LRP1B: variants seen among roughly 807,000 people sequenced by gnomAD.
LRP1B encodes the protein LDL receptor related protein 1B.
A neutral mutation model predicts 556.6 loss-of-function variants in LRP1B; 217 were observed. The ratio of observed to expected loss-of-function variants is 0.39; its 90% CI spans 0.35 to 0.44. The LOEUF (loss-of-function observed/expected upper bound fraction) is 0.44, where lower values mean the gene tolerates loss of function less well. Among genes scored for constraint, LRP1B ranks in the 20% least tolerant of loss-of-function variants. The probability of loss-of-function intolerance (pLI) is 1.00; values close to 1 mark genes in which losing one functional copy is unlikely to be tolerated. For synonymous variants in LRP1B, 2,047 were observed against 1,865.8 expected, an observed-to-expected ratio of 1.10 and a Z score of -2.50; for missense variants, 5,053 against 5,620.8, an observed-to-expected ratio of 0.90 and a Z score of 3.23.
chr2:142,085,773 C>T (rs1267213449), intron 1 of LRP1B, among the ~76,000 whole-genome samples: 2 of 152,110 alleles, frequency 1.3e-5, no homozygotes, highest in Non-Finnish European at 2.9e-5. Flanking sequence ...ATCTTCAATC[C>T]CCCAAGTTGT....
intron 3 of LRP1B, among the ~76,000 whole-genome samples, chr2:141,475,952 C>T (rs1354394115): frequency 6.6e-6 from 1 of 152,202 alleles, no homozygotes; most frequent in Admixed American, 6.5e-5. Flanking sequence ...CAGACAAGAA[C>T]CTGGGTACTA....
In LRP1B at chr2:141,621,870, ATCTC is replaced by A. The variant is rs771406372; in HGVS notation, c.206-141341_206-141338del. Among the ~76,000 whole-genome samples, 674 of 152,096 alleles carry A rather than the reference ATCTC, an allele frequency of 4.4e-3. 10 individuals carry two copies. Among genetic ancestry groups the A allele is most frequent in the Non-Finnish European group, 6.6e-3 (447 of 67,968 alleles). ...TATAGATGAAATATTATTCATTACTATCTCTCTTTTTTGTTTGTTTGTTTGTTTC... is the reference window on the plus strand; with the variant it reads ...TATAGATGAAATATTATTCATTACTATCTTTTTTGTTTGTTTGTTTGTTTC... On this transcript the variant is annotated intron_variant, in intron 2 of 90. Coordinates refer to ENST00000389484, the MANE Select transcript of LRP1B (RefSeq NM_018557.3).
At chr2:141,076,612 T>C (rs906996730) in intron 7 of LRP1B, among the ~76,000 whole-genome samples, 2 of 152,150 alleles carry the variant, frequency 1.3e-5, no homozygotes, top group Non-Finnish European at 2.9e-5. Context: ...TCTTAACAAA[T>C]AAGAAACAGC....
At chr2:141,348,975 T>C (rs1209002768) in intron 3 of LRP1B, among the ~76,000 whole-genome samples, 2 of 151,950 alleles carry the variant, frequency 1.3e-5, no homozygotes, top group African/African-American at 4.8e-5. Flanking sequence ...TGTTTCTCCT[T>C]GCCTTCCACC....
chr2:141,187,438 A>G (rs1366787047), intron 7 of LRP1B, among the ~76,000 whole-genome samples: 1 of 152,014 alleles, frequency 6.6e-6, no homozygotes, highest in Non-Finnish European at 1.5e-5. Context: ...GATATGTTCC[A>G]TCAGACATTT....
chr2:141,943,842 G>T (rs890103396), intron 1 of LRP1B, among the ~76,000 whole-genome samples: 3 of 152,156 alleles, frequency 2.0e-5, no homozygotes, highest in African/African-American at 7.2e-5. Context: ...ACACGACCAG[G>T]AAAGATTAGG....
intron 3 of LRP1B, among the ~76,000 whole-genome samples, chr2:141,414,185 G>T (rs7587380): frequency 0.63 from 92,757 of 147,394 alleles, 29,676 homozygotes; most frequent in East Asian, 0.75. Context: ...TGCAGTGAGC[G>T]GAGATAGCGC....
At chr2:141,548,673 T>C (rs1685639614) in intron 2 of LRP1B, among the ~76,000 whole-genome samples, 1 of 152,176 alleles carries the variant, frequency 6.6e-6, no homozygotes, top group Non-Finnish European at 1.5e-5. Context: ...TGTTAATCCA[T>C]ATTACTGTGC....
At chr2:141,131,784 C>T (rs1055161686) in intron 7 of LRP1B, among the ~76,000 whole-genome samples, 4 of 151,848 alleles carry the variant, frequency 2.6e-5, no homozygotes, top group Non-Finnish European at 4.4e-5. Context: ...TGATAGTGTA[C>T]TATGGTAACA....
intron 57 of LRP1B, among the ~76,000 whole-genome samples, chr2:140,491,967 C>G (rs571088077): frequency 1.3e-5 from 2 of 152,266 alleles, no homozygotes; most frequent in South Asian, 4.1e-4. Context: ...GCAGGGCTCT[C>G]TATCAATGCA....
chr2:141,027,864 G>T (rs1443625383), intron 11 of LRP1B, among the ~76,000 whole-genome samples: 1 of 152,044 alleles, frequency 6.6e-6, no homozygotes, highest in Non-Finnish European at 1.5e-5. Context: ...TTCATGTGAG[G>T]ATACAGTGAG....
At chr2:141,344,546 A>C (rs1320902179) in intron 3 of LRP1B, among the ~76,000 whole-genome samples, 1 of 152,126 alleles carries the variant, frequency 6.6e-6, no homozygotes, top group African/African-American at 2.4e-5. Flanking sequence ...CTCTATGTAA[A>C]TTCTACAACC....
At chr2:140,453,484 TA>T (rs1686964272) in intron 62 of LRP1B, among the ~76,000 whole-genome samples, 1 of 152,008 alleles carries the variant, frequency 6.6e-6, no homozygotes. Context: ...AATATCATCA[TA>T]AAATAAACTG....
intron 25 of LRP1B, among the ~76,000 whole-genome samples, chr2:140,882,935 C>T (rs1206478924): frequency 6.6e-6 from 1 of 152,142 alleles, no homozygotes; most frequent in Non-Finnish European, 1.5e-5. Flanking sequence ...TTAGGCTTGA[C>T]AATGACCTTT....
At chr2:140,576,935 T>C (rs183526088) in intron 43 of LRP1B, among the ~76,000 whole-genome samples, 172 of 152,336 alleles carry the variant, frequency 1.1e-3, no homozygotes, top group African/African-American at 3.5e-3. Context: ...TTTTTAAATT[T>C]AGAGTATTTT....
intron 2 of LRP1B, among the ~76,000 whole-genome samples, chr2:141,657,413 T>C (rs1690053302): frequency 6.6e-6 from 1 of 152,154 alleles, no homozygotes; most frequent in Non-Finnish European, 1.5e-5. Context: ...TTAACTCAAA[T>C]ATCCAATTTT....
At chr2:140,695,358 C>G (rs947641811) in intron 41 of LRP1B, among the ~76,000 whole-genome samples, 17 of 152,032 alleles carry the variant, frequency 1.1e-4, no homozygotes, top group Non-Finnish European at 2.2e-4. Context: ...TCTGTGGCCT[C>G]TAAGCTTCTA....
chr2:140,423,015 A>G (rs1483477132), intron 66 of LRP1B, among the ~76,000 whole-genome samples: 1 of 152,196 alleles, frequency 6.6e-6, no homozygotes, highest in African/African-American at 2.4e-5. Context: ...AGCCAAAAAA[A>G]CAAAACCAAG....
intron 2 of LRP1B, among the ~76,000 whole-genome samples, chr2:141,537,570 G>A: frequency 6.6e-6 from 1 of 152,016 alleles, no homozygotes. Flanking sequence ...GTAACTTTAG[G>A]TAAATCACTT....
Sources: allele counts gnomAD v4.1 joint callset (sites outside exome capture counted in the v4.1 genomes callset), GRCh38; gene constraint gnomAD v4.1.1; transcripts MANE v1.5; gene names NCBI Gene and HGNC (gene_info 2026-07-23, HGNC 2026-07-21).